NELL2: variants seen among roughly 807,000 people sequenced by gnomAD.
NELL2 encodes the protein neural EGFL like 2.
In NELL2, 41 loss-of-function variants were observed where a neutral mutation model predicts 109.6. The observed-to-expected ratio is 0.37, with a 90% CI of 0.29 to 0.49. NELL2 has a LOEUF of 0.49. Among genes scored for constraint, NELL2 ranks in the 20% least tolerant of loss-of-function variants. NELL2 has a pLI of 0.98. For synonymous variants in NELL2, 355 were observed against 344.7 expected, an observed-to-expected ratio of 1.03 and a Z score of -0.33; for missense variants, 900 against 1,008.3, an observed-to-expected ratio of 0.89 and a Z score of 1.45.
At chr12:44,528,363 G>C (rs916410950) in intron 16 of NELL2, among the ~76,000 whole-genome samples, 1 of 151,916 alleles carries the variant, frequency 6.6e-6, no homozygotes, top group African/African-American at 2.4e-5. Context: ...TTGATGTTTA[G>C]TTTAATTATC....
intron 15 of NELL2, among the ~76,000 whole-genome samples, chr12:44,579,314 TGA>T (rs1011343218): frequency 2.0e-5 from 3 of 152,140 alleles, no homozygotes; most frequent in African/African-American, 7.2e-5. Context: ...TAATTATAGG[TGA>T]GATCAGATTA....
chr12:44,860,706 T>TCTC (rs35054906), intron 2 of NELL2, among the ~76,000 whole-genome samples: 121,140 of 151,780 alleles, frequency 0.8, 48,784 homozygotes, highest in Middle Eastern at 0.94. Flanking sequence ...TCCACAATAA[T>TCTC]CTTATTTTTA....
At position 44,618,016 on chromosome 12, in the gene NELL2, T is replaced by C. The variant is rs977676205; in HGVS notation, c.1445-7046A>G. Among the ~76,000 whole-genome samples, 3 of 152,168 alleles carry C rather than the reference T, an allele frequency of 2.0e-5. No homozygotes were observed. The East Asian group carries it at 5.8e-4, about 29-fold the overall frequency. On this transcript the variant is annotated intron_variant, in intron 13 of 19. Coordinates refer to ENST00000429094, the MANE Select transcript of NELL2 (RefSeq NM_001145108.2). ...ATCAGGGGAAAATTGCCTGCTGACA[T>C]ATTGAGCAACAGCTATTCATTTTGT... is the stretch of plus-strand genomic sequence containing the variant.
At chr12:44,881,220 A>T (rs751310738), upstream of NELL2, among the ~76,000 whole-genome samples, 25 of 152,050 alleles carry the variant, frequency 1.6e-4, no homozygotes, top group Non-Finnish European at 8.8e-5. Flanking sequence ...AGGTTATAAT[A>T]AAAAATTATT....
Position 44,508,956 on chromosome 12 carries a change from G to A in NELL2, c.2429C>T (p.Pro810Leu). ...ACTTCACAGTTCCTGAAGGCACTGT[G>A]GATCCACTGAGCAACAGATGTGGCC... ...KNGHICCSVD[P>L]QCLQEL Residue 810 changes from proline to leucine, a missense_variant, in exon 20 of 20, where the codon CCA (proline) becomes CTA (leucine). Physicochemically the swap from Pro to Leu is moderately conservative, Grantham distance 98. This residue lies in a region of NELL2 where 333 missense variants were observed against 432.3 expected (regional missense o/e 0.77). Transcript: ENST00000429094. 6.2e-7 allele frequency: 1 copy of A among 1,612,612 alleles called. No individual in the cohort carries two copies. The highest frequency in any genetic ancestry group is 8.5e-7 in the Non-Finnish European group (1 of 1,179,136).
At chr12:44,782,191 T>G (rs1941987422) in intron 3 of NELL2, among the ~76,000 whole-genome samples, 1 of 151,772 alleles carries the variant, frequency 6.6e-6, no homozygotes, top group South Asian at 2.1e-4. Flanking sequence ...ACTGGTAAAA[T>G]GACTATACGA....
chr12:44,795,390 A>G (rs1942583441), intron 3 of NELL2, among the ~76,000 whole-genome samples: 1 of 152,166 alleles, frequency 6.6e-6, no homozygotes, highest in African/African-American at 2.4e-5. Context: ...ACTACCTGTG[A>G]CCTAGGTAGA....
At chr12:44,783,242 G>A (rs1361455928) in intron 3 of NELL2, among the ~76,000 whole-genome samples, 2 of 151,368 alleles carry the variant, frequency 1.3e-5, no homozygotes, top group South Asian at 2.1e-4. Flanking sequence ...AGCAATACTT[G>A]AGAGAGAAAT....
rs562920971 is a variant in NELL2, at chr12:44,773,277, C to T, written c.994+1470G>A. ...GATCACGAGGTCAGGAGATCGAGAC[C>T]ATCCTGGCTAACAGGGTGAAATCCC... On this transcript the variant is annotated intron_variant, in intron 9 of 19. Coordinates refer to ENST00000429094, the MANE Select transcript of NELL2 (RefSeq NM_001145108.2). 1.3e-3 allele frequency among the ~76,000 whole-genome samples: 202 copies of T among 152,234 alleles called. 1 individual carries two copies. The highest frequency in any genetic ancestry group is 2.4e-3 in the Non-Finnish European group (165 of 68,006).
chr12:44,662,016 T>C (rs999547756), intron 13 of NELL2, among the ~76,000 whole-genome samples: 1 of 152,068 alleles, frequency 6.6e-6, no homozygotes, highest in Non-Finnish European at 1.5e-5. Context: ...CACGAAACGA[T>C]GTAAAGAGAG....
At chr12:44,897,865 G>A (rs888594304) in intron 1 of NELL2, among the ~76,000 whole-genome samples, 4 of 152,144 alleles carry the variant, frequency 2.6e-5, no homozygotes, top group African/African-American at 9.6e-5. Context: ...AAGATCCACT[G>A]GCTTGAAAGT....
intron 9 of NELL2, among the ~76,000 whole-genome samples, chr12:44,741,874 C>A (rs1939991923): frequency 6.6e-6 from 1 of 152,250 alleles, no homozygotes; most frequent in Non-Finnish European, 1.5e-5. Flanking sequence ...GTAGGCTCCA[C>A]CTCTGTGGGC....
chr12:44,668,926 A>G (rs1247419755), intron 12 of NELL2, among the ~76,000 whole-genome samples: 1 of 151,790 alleles, frequency 6.6e-6, no homozygotes, highest in Non-Finnish European at 1.5e-5. Context: ...CACCACCCAG[A>G]GGCCCAAGAA....
intron 1 of NELL2, among the ~76,000 whole-genome samples, chr12:44,903,308 T>G (rs1338879972): frequency 6.6e-6 from 1 of 152,184 alleles, no homozygotes; most frequent in Non-Finnish European, 1.5e-5. Context: ...TCACTGGTCA[T>G]TAGAGAAATG....
At chr12:44,538,646 C>G (rs145824696) in intron 15 of NELL2, among the ~76,000 whole-genome samples, 82 of 152,274 alleles carry the variant, frequency 5.4e-4, no homozygotes, top group Non-Finnish European at 2.2e-4. Flanking sequence ...TAGAGGCCAT[C>G]TCACCAGCTT....
chr12:44,644,214 C>T (rs1474936162), intron 13 of NELL2, among the ~76,000 whole-genome samples: 1 of 151,974 alleles, frequency 6.6e-6, no homozygotes, highest in Non-Finnish European at 1.5e-5. Context: ...GAAAAAAATA[C>T]AGACAAAATA....
intron 9 of NELL2, among the ~76,000 whole-genome samples, chr12:44,761,385 A>ACAAT (rs1157413914): frequency 6.6e-6 from 1 of 152,130 alleles, no homozygotes; most frequent in Admixed American, 6.5e-5. Context: ...AAACAAACAA[A>ACAAT]CAAACAAAAT....
rs144429573 is a variant in NELL2 at position 44,754,445 on chromosome 12, G to A, written c.994+20302C>T. On this transcript the variant is annotated intron_variant, in intron 9 of 19. Coordinates refer to ENST00000429094, the MANE Select transcript of NELL2 (RefSeq NM_001145108.2). ...GAATCATCATCAGCTCCCTCCTCTA[G>A]AGTCTACATTCAGATAAATGCCAAG... 2.8e-4 allele frequency among the ~76,000 whole-genome samples: 42 copies of A among 152,226 alleles called. No individual in the cohort carries two copies. The East Asian group carries it at 3.3e-3, about 12-fold the overall frequency.
In NELL2 at chr12:44,805,030, C is replaced by T. The variant is rs146689398; in HGVS notation, c.335+10956G>A. Among the ~76,000 whole-genome samples, 1,002 of 151,686 alleles carry T rather than the reference C, an allele frequency of 6.6e-3. 6 individuals are homozygous for T. Among genetic ancestry groups the T allele is most frequent in the Non-Finnish European group, 0.012 (788 of 67,758 alleles). ...AAAAGTAAATAACCCATCACAGTAG[C>T]AGTACAATACATAAGGTTCTTAGGA... On this transcript the variant is annotated intron_variant, in intron 3 of 19. Transcript: ENST00000429094.
Sources: gnomAD v4.1 joint callset for allele counts (sites outside exome capture counted in the v4.1 genomes callset) on GRCh38, gnomAD v4.1.1 for gene constraint, gnomAD v4.1.1 regional missense constraint, MANE v1.5 for transcripts, NCBI Gene and HGNC (gene_info 2026-07-23, HGNC 2026-07-21) for gene names.